The following RAD51B variants were observed in gnomAD, a reference collection of about 807,000 sequenced individuals.
The protein encoded by RAD51B is DNA repair protein RAD51 homolog 2.
A neutral mutation model predicts 42.2 loss-of-function variants in RAD51B; 38 were observed. That is an observed-to-expected ratio of 0.90 (90% CI 0.70 to 1.18). The LOEUF (loss-of-function observed/expected upper bound fraction) is 1.18, where lower values mean the gene tolerates loss of function less well. RAD51B is among the 50% of genes most tolerant of loss of function. The probability of loss-of-function intolerance (pLI) is 0.00; values close to 1 mark genes in which losing one functional copy is unlikely to be tolerated. For missense variants in RAD51B, 373 were observed against 400.7 expected (o/e 0.93, Z 0.59); for synonymous variants, 154 against 145.2 (o/e 1.06, Z -0.43).
At chr14:67,911,872 A>C (rs895581615) in intron 7 of RAD51B, among the ~76,000 whole-genome samples, 1 of 152,156 alleles carries the variant, frequency 6.6e-6, no homozygotes, top group Admixed American at 6.5e-5. Context: ...TGTGTTCCAG[A>C]ACCATTACTG....
At chr14:68,330,907 T>G (rs899757150) in intron 8 of RAD51B, among the ~76,000 whole-genome samples, 2 of 152,126 alleles carry the variant, frequency 1.3e-5, no homozygotes, top group East Asian at 3.8e-4. Flanking sequence ...TCAGGAGCAT[T>G]TAATGTCAGC....
At chr14:68,610,909 T>A in intron 10 of RAD51B, 13 of 608,348 alleles carry the variant, frequency 2.1e-5, no homozygotes, top group East Asian at 3.0e-5. Flanking sequence ...TGTGTAACCC[T>A]GCAGGCCATG....
intron 10 of RAD51B, among the ~76,000 whole-genome samples, chr14:68,547,829 C>T (rs1213692548): frequency 3.3e-5 from 5 of 152,184 alleles, no homozygotes; most frequent in Admixed American, 6.5e-5. Flanking sequence ...TCCTCCAGAA[C>T]GAAAGCACCC....
At chr14:68,265,482 G>A (rs1229403749) in intron 7 of RAD51B, among the ~76,000 whole-genome samples, 1 of 152,184 alleles carries the variant, frequency 6.6e-6, no homozygotes, top group African/African-American at 2.4e-5. Flanking sequence ...AGGCGCGGTG[G>A]CTCACACCTG....
intron 10 of RAD51B, among the ~76,000 whole-genome samples, chr14:68,525,542 G>C (rs1208422832): frequency 6.6e-6 from 1 of 152,202 alleles, no homozygotes; most frequent in Non-Finnish European, 1.5e-5. Context: ...GAATTCTCAT[G>C]GTTCTCCTGG....
At chr14:67,978,116 T>A (rs1179276982) in intron 7 of RAD51B, among the ~76,000 whole-genome samples, 1 of 152,212 alleles carries the variant, frequency 6.6e-6, no homozygotes, top group African/African-American at 2.4e-5. Flanking sequence ...TGATTTATAA[T>A]ATCAGTCTAT....
At chr14:68,088,964 A>C in intron 7 of RAD51B, among the ~76,000 whole-genome samples, 1 of 152,194 alleles carries the variant, frequency 6.6e-6, no homozygotes, top group East Asian at 1.9e-4. Context: ...ATCAGAGCTC[A>C]TGTCCTTAGA....
In RAD51B at chr14:68,087,913, T is replaced by G. The variant is rs573432304; in HGVS notation, c.756+200709T>G. 7.7e-3 allele frequency among the ~76,000 whole-genome samples: 950 copies of G among 123,904 alleles called. 16 individuals carry two copies. The highest frequency in any genetic ancestry group is 0.029 in the African/African-American group (886 of 30,358). The allele number at this position is 123,904 out of a possible 152,430, so 81.3% of individuals were successfully genotyped here. On this transcript the variant is annotated intron_variant, in intron 7 of 10. Transcript: ENST00000471583. ...ATAATATATTATTTATATAATTATA[T>G]AATATATTATATATAATTATATAAT...
intron 7 of RAD51B, among the ~76,000 whole-genome samples, chr14:67,946,046 T>G (rs1394576713): frequency 1.3e-5 from 2 of 152,198 alleles, no homozygotes; most frequent in East Asian, 3.9e-4. Flanking sequence ...AAGGGCTGTT[T>G]GGGTTCCTTT....
At chr14:68,358,213 G>A (rs1480415249) in intron 8 of RAD51B, among the ~76,000 whole-genome samples, 1 of 152,142 alleles carries the variant, frequency 6.6e-6, no homozygotes, top group Admixed American at 6.5e-5. Context: ...GAAATAGTGC[G>A]AGAATGACCA....
chr14:68,376,627 G>A (rs181398875), intron 8 of RAD51B, among the ~76,000 whole-genome samples: 8 of 152,270 alleles, frequency 5.3e-5, no homozygotes, highest in Middle Eastern at 6.8e-3. Context: ...GACTTGTACC[G>A]CATTCCTCCC....
At chr14:68,176,892 C>T (rs2078971620) in intron 7 of RAD51B, among the ~76,000 whole-genome samples, 1 of 152,062 alleles carries the variant, frequency 6.6e-6, no homozygotes, top group Non-Finnish European at 1.5e-5. Context: ...ATTTCATGGG[C>T]CTGGGGCATA....
At chr14:68,246,851 G>A (rs371583613) in intron 7 of RAD51B, among the ~76,000 whole-genome samples, 5 of 152,204 alleles carry the variant, frequency 3.3e-5, no homozygotes, top group East Asian at 3.8e-4. Context: ...CAGGTAGGTG[G>A]CTGGGTACGC....
rs190208910 is a variant in RAD51B, at chr14:68,010,887, A to G, written c.756+123683A>G. Among the ~76,000 whole-genome samples, 116 of 151,982 alleles carry G rather than the reference A, an allele frequency of 7.6e-4. 1 individual carries two copies. Among genetic ancestry groups the G allele is most frequent in the East Asian group, 4.0e-3 (21 of 5,186 alleles). ...ACAGTAATGTAGGTTCCAAAGTGCT[A>G]TTTTGTGGGTTTTCTGTGTGTTTAG... On this transcript the variant is annotated intron_variant, in intron 7 of 10. Transcript: ENST00000471583.
intron 4 of RAD51B, among the ~76,000 whole-genome samples, chr14:67,838,661 T>G (rs900681503): frequency 6.6e-6 from 1 of 152,110 alleles, no homozygotes; most frequent in African/African-American, 2.4e-5. Context: ...CCCAGACTGG[T>G]CTTGAACTCC....
At chr14:68,156,455 T>TTCTC (rs10650896) in intron 7 of RAD51B, among the ~76,000 whole-genome samples, 10,303 of 114,156 alleles carry the variant, frequency 0.09, 679 homozygotes, top group Middle Eastern at 0.15. Context: ...CTTAGAAAAT[T>TTCTC]TCTCTCTCTC....
At chr14:68,583,975 G>C (rs1163731633) in intron 10 of RAD51B, among the ~76,000 whole-genome samples, 1 of 152,184 alleles carries the variant, frequency 6.6e-6, no homozygotes, top group Non-Finnish European at 1.5e-5. Context: ...CCAGTCACCA[G>C]ATGAGGACCT....
chr14:67,999,305 A>G (rs940197830), intron 7 of RAD51B, among the ~76,000 whole-genome samples: 6 of 152,190 alleles, frequency 3.9e-5, no homozygotes, highest in African/African-American at 1.4e-4. Flanking sequence ...GAAGCTCATT[A>G]TATGAGGAAA....
At chr14:68,146,369 G>T (rs181523743) in intron 7 of RAD51B, among the ~76,000 whole-genome samples, 2 of 152,082 alleles carry the variant, frequency 1.3e-5, no homozygotes, top group Non-Finnish European at 2.9e-5. Context: ...AGAATTGCTC[G>T]AACCAAGATG....
Sources: allele counts gnomAD v4.1 joint callset (sites outside exome capture counted in the v4.1 genomes callset), GRCh38; gene constraint gnomAD v4.1.1; transcripts MANE v1.5; gene names NCBI Gene and HGNC (gene_info 2026-07-23, HGNC 2026-07-21).